Variants in PLS3 observed in about 807,000 individuals in gnomAD.
PLS3 encodes plastin-3.
Under a neutral mutation model 46.5 loss-of-function variants are expected in PLS3, and 11 were observed. The ratio of observed to expected loss-of-function variants is 0.24; its 90% CI spans 0.15 to 0.39. PLS3 has a LOEUF of 0.39. PLS3 is among the 10% of genes least tolerant of loss of function. The pLI, the probability that PLS3 is intolerant of heterozygous loss-of-function variation, is 1.00. For synonymous variants in PLS3, 167 were observed against 162.2 expected, an observed-to-expected ratio of 1.03 and a Z score of -0.22; for missense variants, 308 against 461.8, an observed-to-expected ratio of 0.67 and a Z score of 3.05.
chrX:115,611,640 TCTC>T (rs1338768079), intron 2 of PLS3, among the ~76,000 whole-genome samples: 1 of 111,946 alleles, frequency 8.9e-6, no homozygotes, highest in African/African-American at 3.2e-5. Flanking sequence ...TAAGTACTCA[TCTC>T]CTCAAGTAAA....
At chrX:115,594,668 TCA>T (rs1212047902) in intron 1 of PLS3, among the ~76,000 whole-genome samples, 2,791 of 97,868 alleles carry the variant, frequency 0.029, 90 homozygotes, top group African/African-American at 0.1. Context: ...TCTCTCTCTC[TCA>T]CACACACACA....
chrX:115,596,436 T>C (rs1157193871), intron 1 of PLS3, among the ~76,000 whole-genome samples: 1 of 111,009 alleles, frequency 9.0e-6, no homozygotes, highest in Non-Finnish European at 1.9e-5. Context: ...GTGGAGGAGA[T>C]AGAGAAAGAA....
At chrX:115,623,865 T>C (rs2074681435) in intron 3 of PLS3, among the ~76,000 whole-genome samples, 1 of 112,217 alleles carries the variant, frequency 8.9e-6, no homozygotes, top group African/African-American at 3.2e-5. Flanking sequence ...AACACTGTAG[T>C]AGTCCAAGAA....
At position 115,627,568 on chromosome X, in the gene PLS3, A is replaced by G. The variant is rs180725863; in HGVS notation, c.238-1630A>G. Among the ~76,000 whole-genome samples the G allele has an allele frequency of 4.3e-4, 48 of 112,544 alleles. 2 individuals are homozygous for G. The highest frequency in any genetic ancestry group is 3.9e-3 in the Admixed American group (41 of 10,539). Reference sequence around the variant, plus strand: ...ATCACAGTTAAGGCACAGTTGGACTAAAAAATCAGATTGTAAATAAAAATA... The same window carrying G: ...ATCACAGTTAAGGCACAGTTGGACTGAAAAATCAGATTGTAAATAAAAATA... On this transcript the variant is annotated intron_variant, in intron 3 of 15. Transcript: ENST00000355899.
intron 1 of PLS3, among the ~76,000 whole-genome samples, chrX:115,561,704 C>T (rs930727570): frequency 9.0e-6 from 1 of 110,671 alleles, no homozygotes; most frequent in Non-Finnish European, 1.9e-5. Flanking sequence ...TTCCCTCCCG[C>T]CCGGACTCAG....
intron 1 of PLS3, among the ~76,000 whole-genome samples, chrX:115,589,480 A>C (rs1001136365): frequency 9.0e-5 from 10 of 111,622 alleles, no homozygotes; most frequent in Non-Finnish European, 1.7e-4. Flanking sequence ...TGCCTGTTTT[A>C]TATGTTAGAT....
chrX:115,648,855 C>T (rs782817727), intron 15 of PLS3, among the ~76,000 whole-genome samples: 2 of 111,843 alleles, frequency 1.8e-5, no homozygotes, highest in Non-Finnish European at 3.8e-5. Flanking sequence ...AAATACTTCA[C>T]GGATTAGTTG....
chrX:115,592,348 G>A (rs782524594), intron 1 of PLS3, among the ~76,000 whole-genome samples: 37 of 111,521 alleles, frequency 3.3e-4, no homozygotes, highest in African/African-American at 1.1e-3. Context: ...GGGTCATCCC[G>A]TGGACCTTGT....
chrX:115,603,974 T>C (rs1251168317), intron 1 of PLS3, among the ~76,000 whole-genome samples: 2 of 112,075 alleles, frequency 1.8e-5, no homozygotes, highest in Non-Finnish European at 3.8e-5. Flanking sequence ...TGTGACAATA[T>C]TGACAAGCTG....
At chrX:115,601,246 G>C (rs1184291738) in intron 1 of PLS3, among the ~76,000 whole-genome samples, 1 of 109,601 alleles carries the variant, frequency 9.1e-6, no homozygotes, top group African/African-American at 3.3e-5. Flanking sequence ...TGGGTTCAAG[G>C]GTGTAGTACA....
intron 1 of PLS3, among the ~76,000 whole-genome samples, chrX:115,576,438 G>A (rs2074249358): frequency 9.0e-6 from 1 of 111,592 alleles, no homozygotes; most frequent in Non-Finnish European, 1.9e-5. Flanking sequence ...AGGCATGGTG[G>A]CGTGCGCCTA....
chrX:115,620,078 C>T (rs1302674483), intron 2 of PLS3, among the ~76,000 whole-genome samples: 2 of 111,307 alleles, frequency 1.8e-5, no homozygotes, highest in African/African-American at 3.3e-5. Flanking sequence ...AGCATTCTTG[C>T]AAATTGCAAT....
At chrX:115,603,138 T>G (rs1231180847) in intron 1 of PLS3, among the ~76,000 whole-genome samples, 2 of 111,504 alleles carry the variant, frequency 1.8e-5, no homozygotes, top group Non-Finnish European at 3.8e-5. Flanking sequence ...GGTTTATGTA[T>G]AGTTAAATGA....
intron 7 of PLS3, among the ~76,000 whole-genome samples, chrX:115,635,318 G>C (rs1459664423): frequency 2.7e-5 from 3 of 110,430 alleles, no homozygotes; most frequent in Non-Finnish European, 5.7e-5. Context: ...CCTCAAACTT[G>C]ATTATCTATT....
At chrX:115,637,363 T>G (rs782034394) in intron 8 of PLS3, among the ~76,000 whole-genome samples, 1 of 111,095 alleles carries the variant, frequency 9.0e-6, no homozygotes, top group Non-Finnish European at 1.9e-5. Flanking sequence ...TTCACCTTTT[T>G]TATTTGGCTT....
intron 5 of PLS3, among the ~76,000 whole-genome samples, 198 bp downstream of exon 5, chrX:115,630,165 T>C (rs192848868): frequency 8.9e-4 from 99 of 111,437 alleles, no homozygotes; most frequent in Middle Eastern, 4.6e-3. Flanking sequence ...AACCTCTTTA[T>C]AGGGAAGCTC....
chrX:115,639,867 G>GT (rs1470853473), intron 8 of PLS3: 1 of 437,510 alleles, frequency 2.3e-6, no homozygotes, highest in East Asian at 4.3e-5. Context: ...CCTTTGTTTT[G>GT]TTAAGTACAT....
In PLS3 at chrX:115,621,866, A is replaced by C. The variant is rs73636301; in HGVS notation, c.74-380A>C. The stretch of plus-strand genomic sequence containing the variant: ...GAGCAATGGAAGAATAAGAAACACA[A>C]AATTCCTATACTTACAGTAGAAATT... On this transcript the variant is annotated intron_variant, in intron 2 of 15. Transcript: ENST00000355899. Among the ~76,000 whole-genome samples the C allele has an allele frequency of 7.7e-3, 864 of 111,977 alleles. 9 individuals carry two copies. Among genetic ancestry groups the C allele is most frequent in the African/African-American group, 0.026 (801 of 30,929 alleles).
rs782736548 is a variant in PLS3, at chrX:115,645,114, T to G, written c.1262+15T>G. 1.3e-5 allele frequency: 13 copies of G among 1,012,674 alleles called. No homozygotes were observed. The highest frequency in any genetic ancestry group is 1.4e-5 in the Non-Finnish European group (10 of 720,503). The allele number at this position is 1,012,674 out of a possible 1,213,427, so 83.5% of individuals were successfully genotyped here. ...CATCTCTATGCGTAAGCCTTCCTAC[T>G]GCTATTGTAAACAGTTACGAATGTC... On this transcript the variant is annotated intron_variant, in intron 11 of 15. Transcript: ENST00000355899.
Sources: allele counts gnomAD v4.1 joint callset (sites outside exome capture counted in the v4.1 genomes callset), GRCh38; gene constraint gnomAD v4.1.1; transcripts MANE v1.5; gene names NCBI Gene and HGNC (gene_info 2026-07-23, HGNC 2026-07-21).